MICU1: variants seen among roughly 807,000 people sequenced by gnomAD.
MICU1 encodes the protein calcium uptake protein 1, mitochondrial.
In MICU1, 45 loss-of-function variants were observed where a neutral mutation model predicts 56.8. The observed-to-expected ratio is 0.79, with a 90% confidence interval of 0.62 to 1.02. The LOEUF (loss-of-function observed/expected upper bound fraction) is 1.02. Ranked by LOEUF, MICU1 falls within the 50% of genes least tolerant of loss-of-function variation. MICU1 has a pLI of 0.00. For missense variants in MICU1, 504 were observed against 587.1 expected (o/e 0.86, Z 1.46); for synonymous variants, 186 against 195.1 (o/e 0.95, Z 0.39).
At chr10:72,476,921 C>T (rs1044307848) in intron 7 of MICU1, among the ~76,000 whole-genome samples, 13 of 152,106 alleles carry the variant, frequency 8.5e-5, no homozygotes, top group African/African-American at 3.1e-4. Context: ...CATTATAACC[C>T]AATTTATGTT....
intron 4 of MICU1, among the ~76,000 whole-genome samples, chr10:72,536,490 G>A (rs1280199920): frequency 6.6e-6 from 1 of 151,934 alleles, no homozygotes; most frequent in African/African-American, 2.4e-5. Flanking sequence ...GGGACTACAG[G>A]TGCGTGCCAC....
In MICU1 at chr10:72,532,796, T is replaced by C. The variant is rs1166061755; in HGVS notation, c.537+950A>G. 3.2e-6 allele frequency: 3 copies of C among 946,922 alleles called. 1 individual carries two copies. The Admixed American group carries it at 1.9e-4, about 58-fold the overall frequency. The allele number at this position is 946,922 out of a possible 1,614,324, so 58.7% of individuals were successfully genotyped here. ...ATAGGAAAGGTAACTTTTAGGCAGG[T>C]GGCCTTAGCTGAGATCTCTCCCAAA... On this transcript the variant is annotated intron_variant, in intron 5 of 11. Coordinates refer to ENST00000361114, the MANE Select transcript of MICU1 (RefSeq NM_001195518.2).
chr10:72,432,206 A>G (rs1466688886), intron 8 of MICU1, among the ~76,000 whole-genome samples: 1 of 150,218 alleles, frequency 6.7e-6, no homozygotes, highest in East Asian at 1.9e-4. Flanking sequence ...CAATCCTCCC[A>G]CCTCAGCCCC....
At chr10:72,533,659 G>A in intron 5 of MICU1, 87 bp downstream of exon 5, 1 of 1,006,680 alleles carries the variant, frequency 9.9e-7, no homozygotes, top group South Asian at 1.6e-5. Context: ...GGTATTCAGT[G>A]ATTTCTCAAA....
chr10:72,591,201 C>T (rs1298601687), intron 1 of MICU1, among the ~76,000 whole-genome samples: 1 of 151,906 alleles, frequency 6.6e-6, no homozygotes, highest in East Asian at 1.9e-4. Flanking sequence ...GAAACAAAAA[C>T]AAAACATGTG....
intron 9 of MICU1, among the ~76,000 whole-genome samples, chr10:72,415,546 C>T (rs1271455681): frequency 1.3e-5 from 2 of 152,180 alleles, no homozygotes; most frequent in African/African-American, 2.4e-5. Flanking sequence ...CTGTTACTTA[C>T]ATTTCCACAG....
intron 8 of MICU1, among the ~76,000 whole-genome samples, chr10:72,436,914 C>T (rs185496437): frequency 7.1e-4 from 108 of 152,240 alleles, no homozygotes; most frequent in African/African-American, 2.4e-3. Flanking sequence ...ACCAAATCTA[C>T]GTTTGTCTGG....
intron 8 of MICU1, among the ~76,000 whole-genome samples, chr10:72,431,729 T>G (rs1374482359): frequency 6.6e-6 from 1 of 152,210 alleles, no homozygotes; most frequent in African/African-American, 2.4e-5. Context: ...TTTGCCACTC[T>G]CTTCGGTCTA....
intron 10 of MICU1, among the ~76,000 whole-genome samples, chr10:72,390,940 C>A (rs534856086): frequency 2.0e-5 from 3 of 152,348 alleles, no homozygotes; most frequent in Non-Finnish European, 2.9e-5. Context: ...TGAATAAATA[C>A]TTGAGCCACA....
intron 1 of MICU1, among the ~76,000 whole-genome samples, chr10:72,576,133 G>C (rs1284158187): frequency 7.0e-6 from 1 of 143,862 alleles, no homozygotes; most frequent in Non-Finnish European, 1.5e-5. Flanking sequence ...AGAATCTCTT[G>C]AACTTGGGAG....
chr10:72,572,667 TA>T (rs543951126), intron 1 of MICU1, among the ~76,000 whole-genome samples: 42 of 152,012 alleles, frequency 2.8e-4, no homozygotes, highest in African/African-American at 8.2e-4. Flanking sequence ...GGTAAAGATA[TA>T]AAAAGACAGT....
intron 1 of MICU1, among the ~76,000 whole-genome samples, chr10:72,592,485 C>T (rs1458291217): frequency 3.3e-5 from 5 of 152,016 alleles, no homozygotes; most frequent in Non-Finnish European, 7.4e-5. Flanking sequence ...TCTTTGAGGC[C>T]AATATTACAC....
intron 11 of MICU1, among the ~76,000 whole-genome samples, chr10:72,372,699 G>A (rs555921504): frequency 4.0e-5 from 6 of 151,884 alleles, no homozygotes; most frequent in South Asian, 4.2e-4. Context: ...AAAATTAACC[G>A]GGTGTGATGG....
chr10:72,532,710 A>G (rs1423013467), intron 5 of MICU1: 15 of 260,646 alleles, frequency 5.8e-5, no homozygotes, highest in Non-Finnish European at 2.4e-5. Flanking sequence ...CTTTTAGAAT[A>G]TGTGACTTTA....
At chr10:72,550,370 C>T (rs954320054) in intron 4 of MICU1, among the ~76,000 whole-genome samples, 3 of 152,126 alleles carry the variant, frequency 2.0e-5, no homozygotes. Context: ...GTAGGTTATA[C>T]CATCTAGATT....
At chr10:72,382,628 G>T (rs1170156988) in intron 10 of MICU1, among the ~76,000 whole-genome samples, 1 of 152,116 alleles carries the variant, frequency 6.6e-6, no homozygotes, top group Non-Finnish European at 1.5e-5. Flanking sequence ...TTTAAAACAG[G>T]CCAAGTGTGG....
intron 10 of MICU1, among the ~76,000 whole-genome samples, chr10:72,377,122 CTTTCT>C (rs1162416555): frequency 2.7e-5 from 3 of 112,416 alleles, no homozygotes; most frequent in African/African-American, 8.6e-5. Flanking sequence ...GGATGCGTAT[CTTTCT>C]TTTTTTTTTT....
intron 9 of MICU1, among the ~76,000 whole-genome samples, chr10:72,408,383 A>C (rs1047222492): frequency 1.3e-5 from 2 of 152,056 alleles, no homozygotes; most frequent in Admixed American, 6.6e-5. Flanking sequence ...ATCTCAGCTG[A>C]CTGCAACCTC....
chr10:72,621,069 A>G (rs1162684583), intron 1 of MICU1, among the ~76,000 whole-genome samples: 1 of 152,210 alleles, frequency 6.6e-6, no homozygotes, highest in Admixed American at 6.5e-5. Flanking sequence ...CAGAAAAAAA[A>G]ATTGTTTTAA....
Sources: gnomAD v4.1 joint callset for allele counts (sites outside exome capture counted in the v4.1 genomes callset) on GRCh38, gnomAD v4.1.1 for gene constraint, MANE v1.5 for transcripts, NCBI Gene and HGNC (gene_info 2026-07-23, HGNC 2026-07-21) for gene names.